Variants in EYS observed in about 807,000 individuals in gnomAD.
EYS encodes the protein protein eyes shut homolog.
A neutral mutation model predicts 282.1 loss-of-function variants in EYS; 250 were observed. The observed-to-expected ratio is 0.89, with a 90% CI of 0.80 to 0.98. The LOEUF is 0.98. EYS is among the 50% of genes least tolerant of loss of function. The pLI is 0.00. For missense variants in EYS, 4,016 were observed against 3,709.0 expected, an observed-to-expected ratio of 1.08 and a Z score of -2.15; for synonymous variants, 1,355 against 1,282.9, an observed-to-expected ratio of 1.06 and a Z score of -1.20.
intron 12 of EYS, among the ~76,000 whole-genome samples, chr6:65,247,638 T>C (rs371639824): frequency 6.6e-6 from 1 of 152,186 alleles, no homozygotes; most frequent in African/African-American, 2.4e-5. Flanking sequence ...GATCTCACTA[T>C]GCATTCTAAC....
At chr6:65,642,951 A>T (rs1396678303) in intron 1 of EYS, among the ~76,000 whole-genome samples, 2 of 152,242 alleles carry the variant, frequency 1.3e-5, no homozygotes, top group Non-Finnish European at 2.9e-5. Context: ...GGACAGACAG[A>T]GCAGTGTGTG....
At chr6:64,147,767 C>G (rs1774568143) in intron 31 of EYS, among the ~76,000 whole-genome samples, 1 of 152,192 alleles carries the variant, frequency 6.6e-6, no homozygotes, top group Non-Finnish European at 1.5e-5. Flanking sequence ...TTCCAGCCTT[C>G]TTTGCCCGTG....
intron 14 of EYS, among the ~76,000 whole-genome samples, chr6:64,978,026 T>A (rs1353611785): frequency 1.3e-5 from 2 of 151,926 alleles, no homozygotes; most frequent in African/African-American, 2.4e-5. Flanking sequence ...AGCTGCAGCA[T>A]TATTCAGAAG....
chr6:64,283,666 A>G (rs1311724216), intron 30 of EYS, among the ~76,000 whole-genome samples: 1 of 152,172 alleles, frequency 6.6e-6, no homozygotes, highest in East Asian at 1.9e-4. Context: ...CTTCTGTATT[A>G]GTCCGTTTTC....
At chr6:65,231,483 T>C (rs1766781884) in intron 12 of EYS, among the ~76,000 whole-genome samples, 2 of 151,602 alleles carry the variant, frequency 1.3e-5, no homozygotes, top group African/African-American at 2.4e-5. Flanking sequence ...AATTATGAAA[T>C]AATACATTGT....
At position 65,494,663 on chromosome 6, in the gene EYS, C is replaced by A; in HGVS notation, c.748G>T (p.Gly250Ter). ...YECVCHPPFT[G>*]KNCSEIIGQC... ...AATTATATATTTTAAACAATCTTACCTGTAAATGGTGGGTGACAGACACAT... is the reference window on the plus strand; with the variant it reads ...AATTATATATTTTAAACAATCTTACATGTAAATGGTGGGTGACAGACACAT... The change falls in exon 4 of 43, where the codon GGA (glycine) becomes TGA (stop). Residue 250 changes from glycine (G) to a stop codon, truncating the protein, a stop_gained and splice_region_variant. Coordinates refer to ENST00000503581, the MANE Select transcript of EYS (RefSeq NM_001142800.2). LOFTEE classifies it high-confidence loss of function. 6.4e-7 allele frequency: 1 copy of A among 1,554,756 alleles called. No homozygotes were observed. The highest frequency in any genetic ancestry group is 2.4e-5 in the East Asian group (1 of 41,192).
intron 26 of EYS, among the ~76,000 whole-genome samples, chr6:64,440,411 T>G (rs533508842): frequency 5.3e-5 from 8 of 152,128 alleles, no homozygotes; most frequent in South Asian, 4.1e-4. Flanking sequence ...GGAAATAAGG[T>G]TCAAAATAGT....
At chr6:65,282,798 T>C (rs1335855779) in intron 12 of EYS, among the ~76,000 whole-genome samples, 1 of 152,002 alleles carries the variant, frequency 6.6e-6, no homozygotes, top group East Asian at 1.9e-4. Flanking sequence ...CATTGCTCTA[T>C]AACTATAATG....
At chr6:64,743,088 T>C (rs1772429981) in intron 22 of EYS, among the ~76,000 whole-genome samples, 1 of 152,112 alleles carries the variant, frequency 6.6e-6, no homozygotes, top group Non-Finnish European at 1.5e-5. Context: ...AATTATCTTC[T>C]AGTGAAATGA....
intron 35 of EYS, among the ~76,000 whole-genome samples, chr6:63,904,851 C>T (rs1773737555): frequency 6.6e-6 from 1 of 152,162 alleles, no homozygotes; most frequent in South Asian, 2.1e-4. Flanking sequence ...TTGTATGAGT[C>T]AAACCAGACA....
chr6:64,619,959 G>T (rs781083701), intron 23 of EYS, among the ~76,000 whole-genome samples: 1 of 152,150 alleles, frequency 6.6e-6, no homozygotes, highest in Non-Finnish European at 1.5e-5. Flanking sequence ...TAGTCAGGAA[G>T]AAGTCTGTCT....
chr6:65,429,460 C>G (rs1189070039), intron 5 of EYS, among the ~76,000 whole-genome samples: 1 of 152,150 alleles, frequency 6.6e-6, no homozygotes, highest in Non-Finnish European at 1.5e-5. Context: ...ATACTAACAG[C>G]TTCATTTCTT....
At chr6:65,380,826 T>C (rs1765582528) in intron 8 of EYS, among the ~76,000 whole-genome samples, 1 of 151,910 alleles carries the variant, frequency 6.6e-6, no homozygotes, top group Non-Finnish European at 1.5e-5. Context: ...CAGACACCCA[T>C]CAAAAGAAGT....
chr6:64,071,020 A>G lies in EYS; in HGVS notation c.6572-4529T>C, dbSNP rs145682010. Among the ~76,000 whole-genome samples the G allele has an allele frequency of 2.8e-3, 431 of 152,120 alleles. 1 individual carries two copies. Among genetic ancestry groups the G allele is most frequent in the African/African-American group, 1.0e-2 (414 of 41,540 alleles). ...TGTGTGAGAGCTTACCTCCACTTAAAAGGAAAAACCAGAAACCAGAATGAA... is the reference window on the plus strand; with the variant it reads ...TGTGTGAGAGCTTACCTCCACTTAAGAGGAAAAACCAGAAACCAGAATGAA... On this transcript the variant is annotated intron_variant, in intron 32 of 42. Transcript: ENST00000503581.
At chr6:64,409,115 A>T (rs958034202) in intron 28 of EYS, among the ~76,000 whole-genome samples, 2 of 152,154 alleles carry the variant, frequency 1.3e-5, no homozygotes, top group African/African-American at 2.4e-5. Flanking sequence ...GTTACTGAAA[A>T]GGATGTGATT....
intron 5 of EYS, among the ~76,000 whole-genome samples, chr6:65,407,650 T>C (rs1322260275): frequency 2.0e-5 from 3 of 152,080 alleles, no homozygotes; most frequent in Non-Finnish European, 4.4e-5. Context: ...GTGCTAGTAG[T>C]TCTTTGGGGG....
chr6:64,106,263 A>C (rs1773008395), intron 31 of EYS, among the ~76,000 whole-genome samples: 1 of 152,068 alleles, frequency 6.6e-6, no homozygotes, highest in Admixed American at 6.6e-5. Context: ...TAGAGTTTGC[A>C]ATATAACTAA....
Position 64,912,519 on chromosome 6 carries a change from A to G in EYS, c.2606T>C (p.Leu869Ser), listed in dbSNP as rs911486226. 6.4e-7 allele frequency: 1 copy of G among 1,551,280 alleles called. No homozygotes were observed. The highest frequency in any genetic ancestry group is 8.7e-7 in the Non-Finnish European group (1 of 1,146,660). ...AATACAATGCTGATTTGCGTCTACC[A>G]AAGCTAAGCATGTTGAGTTGTTTCT... is the stretch of plus-strand genomic sequence containing the variant. Reference protein sequence around the residue: ...PCRNNSTCLALVDANQHCICR... With the variant: ...PCRNNSTCLASVDANQHCICR... The change falls in exon 16 of 43, where the codon TTG becomes TCG. Residue 869 changes from leucine (L) to serine (S), a missense_variant. By Grantham distance (145) the Leu-to-Ser change is moderately radical. Coordinates refer to ENST00000503581, the MANE Select transcript of EYS (RefSeq NM_001142800.2).
At chr6:64,532,560 T>A (rs951435272) in intron 26 of EYS, among the ~76,000 whole-genome samples, 1 of 151,880 alleles carries the variant, frequency 6.6e-6, no homozygotes, top group Non-Finnish European at 1.5e-5. Flanking sequence ...ATACAAAAAA[T>A]TAGCTGGGCG....
Sources: gnomAD v4.1 joint callset for allele counts (sites outside exome capture counted in the v4.1 genomes callset) on GRCh38, gnomAD v4.1.1 for gene constraint, MANE v1.5 for transcripts, NCBI Gene and HGNC (gene_info 2026-07-23, HGNC 2026-07-21) for gene names.